ITFG1: variants seen among roughly 807,000 people sequenced by gnomAD.
ITFG1 encodes the protein T-cell immunomodulatory protein.
A neutral mutation model predicts 81.8 loss-of-function variants in ITFG1; 34 were observed. The observed-to-expected ratio is 0.42, with a 90% CI of 0.32 to 0.55. The LOEUF (loss-of-function observed/expected upper bound fraction) is 0.55, where lower values mean the gene tolerates loss of function less well. Among genes scored for constraint, ITFG1 ranks in the 20% least tolerant of loss-of-function variants. The probability of loss-of-function intolerance (pLI) is 0.17; values close to 1 mark genes in which losing one functional copy is unlikely to be tolerated. For missense variants in ITFG1, 672 were observed against 755.4 expected, an observed-to-expected ratio of 0.89 and a Z score of 1.29; for synonymous variants, 285 against 270.6, an observed-to-expected ratio of 1.05 and a Z score of -0.52.
chr16:47,332,133 G>A (rs1450806671), intron 8 of ITFG1, among the ~76,000 whole-genome samples: 1 of 151,910 alleles, frequency 6.6e-6, no homozygotes, highest in African/African-American at 2.4e-5. Flanking sequence ...TGCCAGAAGG[G>A]TAGAGGTGGT....
At chr16:47,264,868 G>A (rs1966258006) in intron 10 of ITFG1, among the ~76,000 whole-genome samples, 4 of 152,006 alleles carry the variant, frequency 2.6e-5, no homozygotes, top group Admixed American at 2.6e-4. Flanking sequence ...ATGTTTATAA[G>A]CCATTCACAT....
At chr16:47,192,261 T>C (rs1469059413) in intron 14 of ITFG1, among the ~76,000 whole-genome samples, 1 of 152,210 alleles carries the variant, frequency 6.6e-6, no homozygotes, top group South Asian at 2.1e-4. Flanking sequence ...ACATGGTAAG[T>C]AGTCATTTAG....
At chr16:47,433,545 G>C (rs1019863466) in intron 5 of ITFG1, among the ~76,000 whole-genome samples, 11 of 151,914 alleles carry the variant, frequency 7.2e-5, no homozygotes, top group African/African-American at 2.7e-4. Flanking sequence ...TTGCCATTTT[G>C]AACATTTAAA....
At chr16:47,433,967 T>G (rs1402496198) in intron 5 of ITFG1, among the ~76,000 whole-genome samples, 1 of 145,502 alleles carries the variant, frequency 6.9e-6, no homozygotes, top group Non-Finnish European at 1.5e-5. Context: ...TCATTAATCC[T>G]TCTACCGTTG....
intron 5 of ITFG1, among the ~76,000 whole-genome samples, chr16:47,436,679 GT>G (rs1410190283): frequency 6.6e-6 from 1 of 152,102 alleles, no homozygotes. Flanking sequence ...AGGATTCTCA[GT>G]TTTTTGAACC....
intron 12 of ITFG1, among the ~76,000 whole-genome samples, chr16:47,238,853 TA>T (rs1278208952): frequency 6.6e-6 from 1 of 152,212 alleles, no homozygotes; most frequent in Non-Finnish European, 1.5e-5. Context: ...CATTCTAATA[TA>T]AATGTTTGAC....
chr16:47,223,213 A>G (rs1394391211), intron 13 of ITFG1, among the ~76,000 whole-genome samples: 1 of 152,018 alleles, frequency 6.6e-6, no homozygotes, highest in Non-Finnish European at 1.5e-5. Context: ...AGCAATGGCA[A>G]CAAAAGCCAA....
intron 8 of ITFG1, 68 bp from the exon 9 acceptor site, chr16:47,313,891 AT>A: frequency 1.2e-6 from 1 of 825,742 alleles, no homozygotes; most frequent in Non-Finnish European, 1.9e-6. Context: ...GGTATATTAA[AT>A]TTACTATTTG....
At chr16:47,169,595 A>G (rs1429324600) in intron 14 of ITFG1, among the ~76,000 whole-genome samples, 1 of 152,068 alleles carries the variant, frequency 6.6e-6, no homozygotes, top group Non-Finnish European at 1.5e-5. Flanking sequence ...TGTGAGTTAT[A>G]TGATATTTTC....
intron 6 of ITFG1, among the ~76,000 whole-genome samples, chr16:47,385,194 T>C (rs1336278479): frequency 6.6e-6 from 1 of 152,220 alleles, no homozygotes; most frequent in African/African-American, 2.4e-5. Flanking sequence ...ATGTTTGAAA[T>C]AAGTTAAAAT....
At chr16:47,307,019 G>A (rs1468024805) in intron 10 of ITFG1, among the ~76,000 whole-genome samples, 4 of 146,046 alleles carry the variant, frequency 2.7e-5, no homozygotes, top group African/African-American at 5.1e-5. Flanking sequence ...GCGTGAACCC[G>A]GGAGGCAGAG....
At chr16:47,447,773 T>A (rs1317858758) in intron 5 of ITFG1, among the ~76,000 whole-genome samples, 1 of 152,206 alleles carries the variant, frequency 6.6e-6, no homozygotes, top group Non-Finnish European at 1.5e-5. Context: ...TTTCACTGTT[T>A]CTGCAGTTTA....
intron 8 of ITFG1, among the ~76,000 whole-genome samples, chr16:47,359,783 A>C (rs1453396655): frequency 6.6e-6 from 1 of 152,194 alleles, no homozygotes; most frequent in African/African-American, 2.4e-5. Context: ...AACTTCACTC[A>C]AGTCTCAGAT....
At chr16:47,183,320 G>A (rs1410980543) in intron 14 of ITFG1, among the ~76,000 whole-genome samples, 1 of 152,194 alleles carries the variant, frequency 6.6e-6, no homozygotes, top group Non-Finnish European at 1.5e-5. Flanking sequence ...CTCCACCTCT[G>A]GGGGCAGGGC....
chr16:47,281,211 T>C (rs1341857714), intron 10 of ITFG1, among the ~76,000 whole-genome samples: 1 of 152,170 alleles, frequency 6.6e-6, no homozygotes, highest in Non-Finnish European at 1.5e-5. Flanking sequence ...ACACTTACTC[T>C]GGGAATTTGG....
intron 14 of ITFG1, among the ~76,000 whole-genome samples, chr16:47,169,375 T>C (rs763882885): frequency 1.2e-4 from 18 of 152,190 alleles, no homozygotes; most frequent in Non-Finnish European, 2.2e-4. Flanking sequence ...CTCTCAGCAA[T>C]GTTTTTTAGT....
At chr16:47,430,863 T>G (rs894142066) in intron 5 of ITFG1, among the ~76,000 whole-genome samples, 1 of 152,182 alleles carries the variant, frequency 6.6e-6, no homozygotes, top group Admixed American at 6.5e-5. Flanking sequence ...AAACAAATAC[T>G]TGAAAAATGA....
intron 14 of ITFG1, among the ~76,000 whole-genome samples, chr16:47,204,773 T>C (rs945806071): frequency 2.0e-5 from 3 of 152,338 alleles, no homozygotes; most frequent in Admixed American, 1.3e-4. Flanking sequence ...GCCCCAGTCT[T>C]TGTGGCATTT....
intron 13 of ITFG1, among the ~76,000 whole-genome samples, chr16:47,234,220 A>G (rs1965846917): frequency 6.6e-6 from 1 of 152,252 alleles, no homozygotes; most frequent in South Asian, 2.1e-4. Flanking sequence ...AATTTAAAAT[A>G]ACTATGATTA....
Sources: allele counts gnomAD v4.1 joint callset (sites outside exome capture counted in the v4.1 genomes callset), GRCh38; gene constraint gnomAD v4.1.1; transcripts MANE v1.5; gene names NCBI Gene and HGNC (gene_info 2026-07-23, HGNC 2026-07-21).